Variants in LARP1 observed in about 807,000 individuals in gnomAD.
LARP1 encodes the protein La ribonucleoprotein 1, translational regulator.
Under a neutral mutation model 122.7 loss-of-function variants are expected in LARP1, and 36 were observed. That is an observed-to-expected ratio of 0.29 (90% CI 0.22 to 0.39). LARP1 has a LOEUF of 0.39. Among genes scored for constraint, LARP1 ranks in the 10% least tolerant of loss-of-function variants. The pLI is 1.00. For missense variants in LARP1, 1,040 were observed against 1,403.6 expected (o/e 0.74, Z 4.14); for synonymous variants, 539 against 528.7 (o/e 1.02, Z -0.27).
intron 3 of LARP1, 40 bp from the exon 4 acceptor site, chr5:154,792,582 A>T: frequency 1.3e-6 from 2 of 1,588,692 alleles, no homozygotes; most frequent in Non-Finnish European, 1.7e-6. Flanking sequence ...ACCATGAGGC[A>T]CTCACACTCA....
Position 154,802,786 on chromosome 5 carries a change from A to G in LARP1, c.2109+387A>G, listed in dbSNP as rs2113835844. Among the ~76,000 whole-genome samples the G allele has an allele frequency of 6.6e-6, 1 of 152,336 alleles. No homozygotes were observed. The highest frequency in any genetic ancestry group is 3.4e-3 in the Middle Eastern group (1 of 294). On this transcript the variant is annotated intron_variant, in intron 11 of 18. Coordinates refer to ENST00000518297, the MANE Select transcript of LARP1 (RefSeq NM_033551.3). This position sits in a 1 kb window ranked among gnomAD's most constrained non-coding sequence, Gnocchi z 5.1. The stretch of plus-strand genomic sequence containing the variant: ...TGTGTTGAGTATGGAAAATGGAGAA[A>G]AGATAAGTCTTTTGAAAAATTGCTG...
intron 1 of LARP1, among the ~76,000 whole-genome samples, chr5:154,764,859 C>T (rs1754791880): frequency 6.8e-6 from 1 of 147,256 alleles, no homozygotes; most frequent in African/African-American, 2.5e-5. Context: ...GAGCCGAGAT[C>T]ATGCCACTGC....
chr5:154,758,548 C>T (rs1561572709), intron 1 of LARP1, among the ~76,000 whole-genome samples: 1 of 152,162 alleles, frequency 6.6e-6, no homozygotes, highest in Non-Finnish European at 1.5e-5. Context: ...GACCCTTTCT[C>T]TGGAGCCTAC....
rs565669041 is a variant in LARP1, at chr5:154,769,108, G to A, written c.436+12915G>A. On this transcript the variant is annotated intron_variant, in intron 1 of 18. Coordinates refer to ENST00000518297, the MANE Select transcript of LARP1 (RefSeq NM_033551.3). ...CCCACCTCGGCCTCTCAAAGTGCAG[G>A]AGTTAAAGGTATGAGCCACTGCCCC... Among the ~76,000 whole-genome samples, 91 of 152,324 alleles carry A rather than the reference G, an allele frequency of 6.0e-4. 1 individual carries two copies. Among genetic ancestry groups the A allele is most frequent in the South Asian group, 3.1e-3 (15 of 4,826 alleles).
At chr5:154,693,066 C>G (rs1754301147) in intron 1 of LARP1, among the ~76,000 whole-genome samples, 1 of 149,494 alleles carries the variant, frequency 6.7e-6, no homozygotes, top group Non-Finnish European at 1.5e-5. Flanking sequence ...CTCAAGGGAT[C>G]CTCCTGCCTC....
upstream of LARP1, among the ~76,000 whole-genome samples, chr5:154,711,618 A>G (rs1755230229): frequency 6.6e-6 from 1 of 152,210 alleles, no homozygotes. Context: ...GAGGATAAAG[A>G]AAGGAAGGAG....
rs751850093 is a variant in LARP1, at chr5:154,803,589, C to A, written c.2283C>A (p.Ser761=). ...ANKLFGAPEP[S]TIARSLPTTV... is the part of the protein sequence containing the mutation. ...AGTTGTTTGGTGCTCCTGAGCCCTC[C>A]ACCATCGCCCGCTCTCTACCAACCA... The change falls in exon 13 of 19, where the codon TCC becomes TCA. Residue 761 remains serine (S), a synonymous_variant. Transcript: ENST00000518297. The surrounding 1 kb of genome is among the most constrained non-coding windows in gnomAD (Gnocchi z 4.4). The A allele has an allele frequency of 6.2e-7, 1 of 1,614,186 alleles. No individual in the cohort carries two copies. The highest frequency in any genetic ancestry group is 8.5e-7 in the Non-Finnish European group (1 of 1,180,042).
At chr5:154,696,461 A>T (rs1241717470) in intron 1 of LARP1, among the ~76,000 whole-genome samples, 3 of 152,192 alleles carry the variant, frequency 2.0e-5, no homozygotes, top group Admixed American at 2.0e-4. Flanking sequence ...TATTCTTAGG[A>T]ATCTCTGAAT....
intron 1 of LARP1, among the ~76,000 whole-genome samples, chr5:154,772,543 T>A (rs1302323447): frequency 3.3e-5 from 5 of 152,174 alleles, no homozygotes; most frequent in Admixed American, 3.3e-4. Flanking sequence ...CTCTATATGT[T>A]TTTTCCTATA....
At chr5:154,713,201 G>A (rs962243903) in intron 1 of LARP1, 6 of 1,355,828 alleles carry the variant, frequency 4.4e-6, no homozygotes, top group Non-Finnish European at 6.1e-6. Flanking sequence ...CTTCTCCCTA[G>A]GGGCAGAAAC....
At chr5:154,743,554 C>T (rs1402110745) in intron 1 of LARP1, among the ~76,000 whole-genome samples, 1 of 151,806 alleles carries the variant, frequency 6.6e-6, no homozygotes, top group Non-Finnish European at 1.5e-5. Context: ...GGTGATCCAC[C>T]CGCCTTGGCC....
chr5:154,786,546 C>T (rs539449609), intron 1 of LARP1: 1 of 454,626 alleles, frequency 2.2e-6, no homozygotes. Context: ...TGCCATCCAC[C>T]CTGCTACAGT....
At chr5:154,687,065 G>A (rs141382704) in intron 1 of LARP1, among the ~76,000 whole-genome samples, 134 of 152,354 alleles carry the variant, frequency 8.8e-4, no homozygotes, top group African/African-American at 3.2e-3. Context: ...GGTGGGTCTG[G>A]GGGAAGATGG....
intron 1 of LARP1, among the ~76,000 whole-genome samples, chr5:154,730,923 A>G (rs931794186): frequency 1.4e-5 from 2 of 138,774 alleles, no homozygotes; most frequent in Admixed American, 1.6e-4. Context: ...GCTGGAGTGC[A>G]GTGGCGTGAT....
At chr5:154,787,526 C>T (rs1189736255) in intron 1 of LARP1, among the ~76,000 whole-genome samples, 1 of 152,170 alleles carries the variant, frequency 6.6e-6, no homozygotes, top group Non-Finnish European at 1.5e-5. Context: ...TCTTGCAGGG[C>T]CTGACAGCAG....
intron 7 of LARP1, 142 bp downstream of exon 7, chr5:154,794,404 T>G (rs952777801): frequency 1.3e-6 from 1 of 743,718 alleles, no homozygotes; most frequent in Non-Finnish European, 2.1e-6. Flanking sequence ...TCATTGTTTA[T>G]TAAAGAAGTG....
At chr5:154,716,801 T>C (rs1755533750) in intron 1 of LARP1, among the ~76,000 whole-genome samples, 1 of 151,300 alleles carries the variant, frequency 6.6e-6, no homozygotes, top group Non-Finnish European at 1.5e-5. Context: ...AGCTCACACC[T>C]GTAATCCCAG....
At chr5:154,729,616 C>A in intron 1 of LARP1, 1 of 417,686 alleles carries the variant, frequency 2.4e-6, no homozygotes, top group South Asian at 1.9e-5. Flanking sequence ...ACCAGCCACT[C>A]CACCCAAACA....
chr5:154,720,209 G>GTAATAA (rs3060312), intron 1 of LARP1, among the ~76,000 whole-genome samples: 11 of 150,690 alleles, frequency 7.3e-5, no homozygotes, highest in African/African-American at 2.4e-4. Flanking sequence ...AATAATAATA[G>GTAATAA]TAATAATAAT....
Sources: gnomAD v4.1 joint callset for allele counts (sites outside exome capture counted in the v4.1 genomes callset) on GRCh38, gnomAD v4.1.1 for gene constraint, Gnocchi (gnomAD v3.1) non-coding constraint, MANE v1.5 for transcripts, NCBI Gene and HGNC (gene_info 2026-07-23, HGNC 2026-07-21) for gene names.